Variants in ZNF599 observed in about 807,000 individuals in gnomAD.
ZNF599 encodes the protein zinc finger protein 599.
In ZNF599, 10 loss-of-function variants were observed where a neutral mutation model predicts 11.7. The observed-to-expected ratio is 0.86, with a 90% CI of 0.53 to 1.45. ZNF599 has a LOEUF of 1.45. ZNF599 is among the 40% of genes most tolerant of loss of function. The pLI is 0.00. For synonymous variants in ZNF599, 232 were observed against 253.2 expected, an observed-to-expected ratio of 0.92 and a Z score of 0.79; for missense variants, 688 against 713.6, an observed-to-expected ratio of 0.96 and a Z score of 0.41.
rs114756651 is a variant in ZNF599, at chr19:34,761,407, A to T, written c.242-848T>A. ...ACTTCTAAATTCAATACAACATCAGATAAAATCTCAATAGGGTTTTTCACA... is the reference window on the plus strand; with the variant it reads ...ACTTCTAAATTCAATACAACATCAGTTAAAATCTCAATAGGGTTTTTCACA... On this transcript the variant is annotated intron_variant, in intron 3 of 3. Transcript: ENST00000329285. Among the ~76,000 whole-genome samples the T allele has an allele frequency of 2.3e-3, 344 of 152,326 alleles. 2 individuals are homozygous for T. Among genetic ancestry groups the T allele is most frequent in the African/African-American group, 8.0e-3 (333 of 41,578 alleles).
intron 3 of ZNF599, chr19:34,762,856 A>G (rs1268196152): frequency 6.6e-6 from 1 of 152,264 alleles, no homozygotes; most frequent in Non-Finnish European, 1.5e-5. Flanking sequence ...TTATAAAAAG[A>G]TATGTAGATA....
At chr19:34,781,284 A>G in the ZNF599 span, among the ~76,000 whole-genome samples, 1 of 152,212 alleles carries the variant, frequency 6.6e-6, no homozygotes, top group African/African-American at 2.4e-5. Flanking sequence ...GAAAGAACGA[A>G]AGAAAGAAGA....
At chr19:34,779,788 C>T in the ZNF599 span, 1 of 215,232 alleles carries the variant, frequency 4.6e-6, no homozygotes, top group Non-Finnish European at 9.3e-6. Flanking sequence ...ATTCTCTACA[C>T]CCATAAGGCC....
Position 34,759,077 on chromosome 19 carries a change from CTG to C in ZNF599, c.1722_1723del (p.His574GlnfsTer40). ...CTTTCGATGGTGAGTGAACGATGAA[CTG>C]TGGCTGAAGGTCTTTCCACATTCAT... On this transcript the variant is annotated frameshift_variant, in exon 4 of 4. Coordinates refer to ENST00000329285, the MANE Select transcript of ZNF599 (RefSeq NM_001007248.3). LOFTEE classifies it low-confidence loss of function (END_TRUNC). The C allele has an allele frequency of 1.2e-6, 2 of 1,613,670 alleles. No individual in the cohort carries two copies. Among genetic ancestry groups the C allele is most frequent in the East Asian group, 2.2e-5 (1 of 44,868 alleles).
rs758554611 is a variant in ZNF599 at position 34,761,716 on chromosome 19, T to C, written c.242-1157A>G. Among the ~76,000 whole-genome samples the C allele has an allele frequency of 6.6e-5, 10 of 152,176 alleles. No individual in the cohort carries two copies. In the Middle Eastern group the frequency reaches 0.01, roughly 155 times the overall value. ...CATTCAATAAATGGATCTAGAAAAA[T>C]TATTTGCCACATGGAGAAAAATGAA... On this transcript the variant is annotated intron_variant, in intron 3 of 3. Transcript: ENST00000329285.
At chr19:34,800,766 T>C in the ZNF599 span, among the ~76,000 whole-genome samples, 1 of 151,874 alleles carries the variant, frequency 6.6e-6, no homozygotes, top group Non-Finnish European at 1.5e-5. Flanking sequence ...CTACTAATTT[T>C]GTGCTTTTAG....
In ZNF599 at chr19:34,759,944, T is replaced by G; in HGVS notation, c.857A>C (p.Lys286Thr). Residue 286 changes from lysine to threonine, a missense_variant, in exon 4 of 4, where the codon AAA (lysine) becomes ACA (threonine). Lys to Thr is a moderately conservative substitution (Grantham distance 78, BLOSUM62 -1). Coordinates refer to ENST00000329285, the MANE Select transcript of ZNF599 (RefSeq NM_001007248.3). ...IHTGDKPYEC[K>T]ECGKAFTHRS... ...GTGGGTGAATGCTTTGCCACATTCT[T>G]TGCACTCATAGGGCTTATCTCCGGT... 1 of 1,614,196 alleles carries G rather than the reference T, an allele frequency of 6.2e-7. No individual in the cohort carries two copies.
At chr19:34,793,619 A>T in the ZNF599 span, among the ~76,000 whole-genome samples, 1 of 152,288 alleles carries the variant, frequency 6.6e-6, no homozygotes, top group African/African-American at 2.4e-5. Flanking sequence ...TGTGCTTCTG[A>T]TGTAGGTGAA....
chr19:34,804,353 C>G, the ZNF599 span, among the ~76,000 whole-genome samples: 1 of 152,338 alleles, frequency 6.6e-6, no homozygotes, highest in Admixed American at 6.5e-5. Flanking sequence ...CCTCTTTTCC[C>G]CAGACCCAAC....
chr19:34,797,040 A>G, the ZNF599 span, among the ~76,000 whole-genome samples: 6 of 138,088 alleles, frequency 4.3e-5, no homozygotes, highest in African/African-American at 1.7e-4. Context: ...TTCAATTCCC[A>G]CCTATGAGTG....
chr19:34,769,566 A>G lies in ZNF599; in HGVS notation c.19-11T>C, dbSNP rs2069168816. On this transcript the variant is annotated splice_polypyrimidine_tract_variant and intron_variant, in intron 1 of 3. Transcript: ENST00000329285. ...AAATGATACTAATGCCTGGGAAGTCAAACAGAGGTGACAGGTGGCTGTGGA... is the reference window on the plus strand; with the variant it reads ...AAATGATACTAATGCCTGGGAAGTCGAACAGAGGTGACAGGTGGCTGTGGA... 6 of 1,611,192 alleles carry G rather than the reference A, an allele frequency of 3.7e-6. No homozygotes were observed. In the East Asian group the frequency reaches 1.3e-4, roughly 36 times the overall value.
At position 34,759,095 on chromosome 19, in the gene ZNF599, C is replaced by A; in HGVS notation, c.1706G>T (p.Gly569Val). Residue 569 changes from glycine (G) to valine (V), a missense_variant, in exon 4 of 4, where the codon GGA becomes GTA. Transcript: ENST00000329285. ...GEKPFECNECGKTFSHSSSFT... is the reference protein window; with the variant it reads ...GEKPFECNECVKTFSHSSSFT... ...CGATGAACTGTGGCTGAAGGTCTTT[C>A]CACATTCATTGCATTCAAAGGGTTT... 6.2e-7 allele frequency: 1 copy of A among 1,614,150 alleles called. No homozygotes were observed. Among genetic ancestry groups the A allele is most frequent in the Non-Finnish European group, 8.5e-7 (1 of 1,179,994 alleles).
intron 1 of ZNF599, among the ~76,000 whole-genome samples, chr19:34,770,047 T>C (rs7247428): frequency 0.67 from 101,599 of 152,070 alleles, 34,138 homozygotes; most frequent in African/African-American, 0.7. Flanking sequence ...TTCTTGGAGC[T>C]CCAATTTCCA....
At chr19:34,800,688 C>T in the ZNF599 span, among the ~76,000 whole-genome samples, 4 of 151,624 alleles carry the variant, frequency 2.6e-5, no homozygotes, top group South Asian at 2.1e-4. Flanking sequence ...CTCTGCCCCC[C>T]GGGTCCAAGC....
chr19:34,804,837 GAC>G, the ZNF599 span, among the ~76,000 whole-genome samples: 1 of 152,136 alleles, frequency 6.6e-6, no homozygotes, highest in African/African-American at 2.4e-5. Flanking sequence ...CATGGTCCAG[GAC>G]ACACAGCCCT....
chr19:34,779,366 G>A, the ZNF599 span: 1 of 372,508 alleles, frequency 2.7e-6, no homozygotes, highest in East Asian at 9.3e-5. Flanking sequence ...CACCCTAACT[G>A]CTGGGATTAC....
At chr19:34,804,076 G>C in the ZNF599 span, among the ~76,000 whole-genome samples, 2 of 152,142 alleles carry the variant, frequency 1.3e-5, no homozygotes, top group Non-Finnish European at 2.9e-5. Context: ...TGCTAAGAAA[G>C]CCTCACCTTC....
chr19:34,771,490 TGTTA>T (rs1330147226), intron 1 of ZNF599, among the ~76,000 whole-genome samples: 4 of 152,224 alleles, frequency 2.6e-5, no homozygotes, highest in African/African-American at 9.6e-5. Flanking sequence ...TATTTGTTGC[TGTTA>T]GTATTTTTCC....
At chr19:34,784,918 A>G in the ZNF599 span, among the ~76,000 whole-genome samples, 6 of 146,432 alleles carry the variant, frequency 4.1e-5, no homozygotes, top group Admixed American at 1.4e-4. Flanking sequence ...CCTCTCCTAA[A>G]TCTCCACACA....
Sources: gnomAD v4.1 joint callset for allele counts (sites outside exome capture counted in the v4.1 genomes callset) on GRCh38, gnomAD v4.1.1 for gene constraint, MANE v1.5 for transcripts, NCBI Gene and HGNC (gene_info 2026-07-23, HGNC 2026-07-21) for gene names.